Variants in SMIM7 observed in about 807,000 individuals in gnomAD.
SMIM7 encodes small integral membrane protein 7.
Under a neutral mutation model 13.3 loss-of-function variants are expected in SMIM7, and 12 were observed. The observed-to-expected ratio is 0.90, with a 90% CI of 0.58 to 1.46. SMIM7 has a LOEUF of 1.46. Among genes scored for constraint, SMIM7 ranks in the 40% most tolerant of loss-of-function variants. The pLI is 0.00. For missense variants in SMIM7, 114 were observed against 94.8 expected (o/e 1.20, Z -0.84); for synonymous variants, 36 against 35.8 (o/e 1.01, Z -0.02).
At chr19:16,644,117 C>CG (rs965002122), downstream of SMIM7, among the ~76,000 whole-genome samples, 3 of 121,088 alleles carry the variant, frequency 2.5e-5, no homozygotes, top group African/African-American at 1.1e-4. Context: ...AAATTGTTTG[C>CG]GTTTTTTTTT....
At chr19:16,654,002 C>T (rs780669436) in intron 4 of SMIM7, 33 bp downstream of exon 4, 29 of 1,583,822 alleles carry the variant, frequency 1.8e-5, no homozygotes, top group East Asian at 6.7e-5. Context: ...GACTAAGAGA[C>T]GACAGTGAAA....
intron 3 of SMIM7, among the ~76,000 whole-genome samples, chr19:16,657,088 G>A (rs1275773377): frequency 6.6e-6 from 1 of 152,072 alleles, no homozygotes; most frequent in East Asian, 1.9e-4. Context: ...TGTGTCAATA[G>A]GGGTGTCAGG....
Position 16,647,396 on chromosome 19 carries a change from A to G in SMIM7, c.213-135T>C, listed in dbSNP as rs2086462681. On this transcript the variant is annotated intron_variant, in intron 4 of 4. Coordinates refer to ENST00000487416, the MANE Select transcript of SMIM7 (RefSeq NM_024104.4). ...CATGATTGTCTGATTTTTTAAAGTA[A>G]CCTGTGATCCACCTGTGAATATAAT... The G allele has an allele frequency of 7.2e-6, 7 of 977,650 alleles. No individual in the cohort carries two copies. The East Asian group carries it at 1.5e-4, about 21-fold the overall frequency. The allele number at this position is 977,650 out of a possible 1,614,324, so 60.6% of individuals were successfully genotyped here.
intron 4 of SMIM7, among the ~76,000 whole-genome samples, chr19:16,650,903 T>G (rs2086516164): frequency 6.6e-6 from 1 of 152,158 alleles, no homozygotes. Flanking sequence ...GGTTACTGCA[T>G]GCACATTACA....
chr19:16,639,597 C>T (rs772486363), intron 4 of SMIM7, among the ~76,000 whole-genome samples: 2 of 152,188 alleles, frequency 1.3e-5, no homozygotes, highest in African/African-American at 2.4e-5. Context: ...ATGAGCACAA[C>T]AGCTGATATA....
chr19:16,660,003 G>T lies in SMIM7; in HGVS notation c.27-3C>A, dbSNP rs1465341253. ...CCCCGGCATTCATCAGCAACGTCCTGCAGAGGGAGAATTACAGTTACTAGG... is the reference window on the plus strand; with the variant it reads ...CCCCGGCATTCATCAGCAACGTCCTTCAGAGGGAGAATTACAGTTACTAGG... On this transcript the variant is annotated splice_polypyrimidine_tract_variant and splice_region_variant and intron_variant, in intron 1 of 4. Transcript: ENST00000487416. The T allele has an allele frequency of 6.2e-7, 1 of 1,613,980 alleles. No individual in the cohort carries two copies. The highest frequency in any genetic ancestry group is 1.1e-5 in the South Asian group (1 of 91,032).
intron 4 of SMIM7, among the ~76,000 whole-genome samples, chr19:16,633,437 C>A (rs1210271010): frequency 1.6e-5 from 2 of 123,560 alleles, no homozygotes; most frequent in African/African-American, 6.4e-5. Flanking sequence ...GCCTAGACAA[C>A]AGAGTGAGAA....
chr19:16,651,069 C>T (rs865982411), intron 4 of SMIM7, among the ~76,000 whole-genome samples: 5 of 152,322 alleles, frequency 3.3e-5, no homozygotes, highest in Middle Eastern at 6.8e-3. Context: ...CCTGATCCTT[C>T]CCCTGTTCTT....
chr19:16,644,194 C>G (rs947458194), downstream of SMIM7, among the ~76,000 whole-genome samples: 1 of 143,140 alleles, frequency 7.0e-6, no homozygotes, highest in South Asian at 2.2e-4. Context: ...GATCTCGGCT[C>G]GCTGCAACCT....
intron 4 of SMIM7, chr19:16,652,711 T>C: frequency 7.0e-7 from 1 of 1,435,722 alleles, no homozygotes; most frequent in Non-Finnish European, 9.1e-7. Context: ...AAACAGCCAC[T>C]GGGGTGGCAC....
intron 4 of SMIM7, among the ~76,000 whole-genome samples, chr19:16,649,059 C>T (rs974467684): frequency 7.2e-5 from 11 of 152,038 alleles, no homozygotes; most frequent in Non-Finnish European, 1.2e-4. Flanking sequence ...CTAGGATGAC[C>T]ACAGTCAAAA....
intron 4 of SMIM7, among the ~76,000 whole-genome samples, chr19:16,650,553 T>C (rs1351111624): frequency 2.6e-5 from 4 of 151,984 alleles, no homozygotes; most frequent in South Asian, 2.1e-4. Context: ...CTACCAAAAA[T>C]AGAAAAATTA....
intron 3 of SMIM7, chr19:16,655,509 C>T (rs1015873579): frequency 1.4e-5 from 6 of 432,080 alleles, no homozygotes; most frequent in African/African-American, 6.1e-5. Flanking sequence ...GGTGAAACCA[C>T]GTCTCTACTA....
intron 4 of SMIM7, chr19:16,634,947 G>C (rs1479764192): frequency 6.6e-6 from 1 of 152,196 alleles, no homozygotes; most frequent in Non-Finnish European, 1.5e-5. Flanking sequence ...CCACTCTTGA[G>C]TGGGTCTTCT....
At chr19:16,658,753 G>A (rs776019695) in intron 3 of SMIM7, among the ~76,000 whole-genome samples, 17 of 152,128 alleles carry the variant, frequency 1.1e-4, no homozygotes, top group Non-Finnish European at 1.8e-4. Flanking sequence ...ACAGGCATCG[G>A]AGGACGGGTA....
In SMIM7 at chr19:16,659,397, G is replaced by C; in HGVS notation, c.119C>G (p.Thr40Arg). 2.5e-6 allele frequency: 4 copies of C among 1,613,366 alleles called. No individual in the cohort carries two copies. Among genetic ancestry groups the C allele is most frequent in the Non-Finnish European group, 2.5e-6 (3 of 1,179,890 alleles). ...GFGEESREPS[T>R]GDNIREFLLS... ...TCCAGGATCCAATTAGACCTTACCT[G>C]TGCTGGGCTCCCTGGACTCCTCCCC... Residue 40 changes from threonine to arginine, a missense_variant and splice_region_variant, in exon 3 of 5, where the codon ACA becomes AGA. Coordinates refer to ENST00000487416, the MANE Select transcript of SMIM7 (RefSeq NM_024104.4).
At chr19:16,657,651 G>A (rs553589319) in intron 3 of SMIM7, among the ~76,000 whole-genome samples, 1 of 152,176 alleles carries the variant, frequency 6.6e-6, no homozygotes, top group Non-Finnish European at 1.5e-5. Flanking sequence ...AGAATGGAGG[G>A]AGAATGCAAC....
Position 16,647,461 on chromosome 19 carries a change from C to T in SMIM7, c.213-200G>A, listed in dbSNP as rs1005170402. Among the ~76,000 whole-genome samples, 3 of 142,486 alleles carry T rather than the reference C, an allele frequency of 2.1e-5. No homozygotes were observed. In the South Asian group the frequency reaches 6.6e-4, roughly 31 times the overall value. 93.5% of individuals were successfully genotyped at this position (142,486 alleles called of 152,430 possible). A position where few individuals can be genotyped will look rare whatever the true frequency, so the allele number is the denominator to read the frequency against. On this transcript the variant is annotated intron_variant, in intron 4 of 4. Coordinates refer to ENST00000487416, the MANE Select transcript of SMIM7 (RefSeq NM_024104.4). ...TACACAGTTAAAAGAAGAATATACT[C>T]TTTTTTTTTTTTTAGACAGAGTCTG...
intron 3 of SMIM7, among the ~76,000 whole-genome samples, chr19:16,656,091 G>A (rs57752202): frequency 0.11 from 16,284 of 152,090 alleles, 1,189 homozygotes; most frequent in African/African-American, 0.21. Context: ...CCAATCAAAC[G>A]TTACTCATTC....
Sources: gnomAD v4.1 joint callset for allele counts (sites outside exome capture counted in the v4.1 genomes callset) on GRCh38, gnomAD v4.1.1 for gene constraint, MANE v1.5 for transcripts, NCBI Gene and HGNC (gene_info 2026-07-23, HGNC 2026-07-21) for gene names.